CPS1: variants seen among roughly 807,000 people sequenced by gnomAD.
CPS1 encodes the protein carbamoyl-phosphate synthase [ammonia], mitochondrial.
Under a neutral mutation model 174.6 loss-of-function variants are expected in CPS1, and 109 were observed. The ratio of observed to expected loss-of-function variants is 0.62; its 90% CI spans 0.53 to 0.73. The LOEUF is 0.73. CPS1 is among the 30% of genes least tolerant of loss of function. The pLI is 0.00. For missense variants in CPS1, 1,689 were observed against 1,821.9 expected, an observed-to-expected ratio of 0.93 and a Z score of 1.33; for synonymous variants, 637 against 632.0, an observed-to-expected ratio of 1.01 and a Z score of -0.12.
intron 18 of CPS1, 21 bp from the exon 19 acceptor site, chr2:210,608,340 A>T: frequency 6.2e-7 from 1 of 1,608,196 alleles, no homozygotes; most frequent in Non-Finnish European, 8.5e-7. Flanking sequence ...AAAAAAAAAT[A>T]AATTTGTCTT....
intron 21 of CPS1, among the ~76,000 whole-genome samples, chr2:210,635,005 G>A (rs147392056): frequency 3.2e-4 from 49 of 152,206 alleles, no homozygotes; most frequent in African/African-American, 1.1e-3. Flanking sequence ...GTGCAGTGGC[G>A]TGATCTCGGC....
intron 5 of CPS1, among the ~76,000 whole-genome samples, chr2:210,581,843 A>G (rs1697932069): frequency 6.6e-6 from 1 of 152,166 alleles, no homozygotes; most frequent in African/African-American, 2.4e-5. Context: ...CCATGCAATA[A>G]TTTCATCAGA....
At chr2:210,549,430 A>C (rs888274870) in intron 1 of CPS1, among the ~76,000 whole-genome samples, 1 of 151,990 alleles carries the variant, frequency 6.6e-6, no homozygotes, top group Non-Finnish European at 1.5e-5. Context: ...TTATTTTGTA[A>C]AATTTATGTT....
rs1294171818 is a variant in CPS1, at chr2:210,616,553, C to T, written c.2687+12C>T. On this transcript the variant is annotated intron_variant, in intron 21 of 37. Coordinates refer to ENST00000233072, the MANE Select transcript of CPS1 (RefSeq NM_001875.5). The stretch of plus-strand genomic sequence containing the variant: ...AAAGGCCTCAACAGGTAAGGCAGTG[C>T]TGCTCTCATTCATGCCAGACACCTT... 2.0e-6 allele frequency: 3 copies of T among 1,474,494 alleles called. No homozygotes were observed. The highest frequency in any genetic ancestry group is 2.8e-6 in the Non-Finnish European group (3 of 1,054,346). 91.3% of individuals were successfully genotyped at this position (1,474,494 alleles called of 1,614,324 possible).
chr2:210,567,401 A>G (rs1006289238), intron 1 of CPS1, among the ~76,000 whole-genome samples: 2 of 152,126 alleles, frequency 1.3e-5, no homozygotes, highest in Admixed American at 1.3e-4. Flanking sequence ...GTTATAACAT[A>G]GTTGGGGACT....
chr2:210,613,236 G>T (rs911732992), intron 20 of CPS1, among the ~76,000 whole-genome samples: 1 of 151,956 alleles, frequency 6.6e-6, no homozygotes. Context: ...TGAACTCATC[G>T]CAACTTTTAT....
At chr2:210,654,676 A>G (rs948277624) in intron 29 of CPS1, among the ~76,000 whole-genome samples, 14 of 152,242 alleles carry the variant, frequency 9.2e-5, no homozygotes, top group African/African-American at 3.1e-4. Context: ...TTATAGTTGT[A>G]TTAATAATGC....
chr2:210,528,958 G>A lies in CPS1; in HGVS notation c.4-27761G>A, dbSNP rs142169968. Among the ~76,000 whole-genome samples the A allele has an allele frequency of 1.1e-4, 17 of 151,680 alleles. No homozygotes were observed. The East Asian group carries it at 2.9e-3, about 26-fold the overall frequency. On this transcript the variant is annotated intron_variant, in intron 1 of 38. Coordinates refer to the CPS1 transcript ENST00000430249. ...GAGTTATTGAGAAAATAGTAGTGTC[G>A]TGAGTAAGTTTGGAATGTGGAGTGC... is the stretch of plus-strand genomic sequence containing the variant.
At chr2:210,521,023 A>G (rs961219715) in intron 1 of CPS1, among the ~76,000 whole-genome samples, 65 of 152,062 alleles carry the variant, frequency 4.3e-4, no homozygotes, top group African/African-American at 1.5e-3. Context: ...AAGCTTCAAA[A>G]TTGTTTATCA....
chr2:210,510,405 G>T (rs1695429883), intron 1 of CPS1, among the ~76,000 whole-genome samples: 1 of 152,096 alleles, frequency 6.6e-6, no homozygotes, highest in African/African-American at 2.4e-5. Context: ...TTAAATGTTA[G>T]ACCTAAAACC....
At position 210,642,663 on chromosome 2, in the gene CPS1, G is replaced by C; in HGVS notation, c.3139G>C (p.Glu1047Gln). 6.2e-7 allele frequency: 1 copy of C among 1,613,660 alleles called. No individual in the cohort carries two copies. Among genetic ancestry groups the C allele is most frequent in the Non-Finnish European group, 8.5e-7 (1 of 1,179,824 alleles). Residue 1047 changes from glutamate to glutamine, a missense_variant and splice_region_variant, in exon 25 of 38, where the codon GAG (glutamate) becomes CAG (glutamine). Glu to Gln is a conservative substitution (Grantham distance 29, BLOSUM62 2). Transcript: ENST00000233072. ...GAGAATCCTAGACATCTACCATCAG[G>C]AGGTAAGAAAAGAAAAACAGAAAAA... ...LERILDIYHQ[E>Q]ACGGCIISVG...
Position 210,573,357 on chromosome 2 carries a change from C to A in CPS1, c.186C>A (p.Gly62=), listed in dbSNP as rs529836556. The change falls in exon 2 of 38, where the codon GGC becomes GGA. Residue 62 remains glycine, a synonymous_variant. Coordinates refer to ENST00000233072, the MANE Select transcript of CPS1 (RefSeq NM_001875.5). The part of the protein sequence containing the change: ...DGTKMKGYSF[G]HPSSVAGEVV... ...CTAAGATGAAAGGTTACTCCTTTGG[C>A]CATCCATCCTCTGTTGCTGGTGAAG... is the stretch of plus-strand genomic sequence containing the variant. 6 of 1,613,194 alleles carry A rather than the reference C, an allele frequency of 3.7e-6. No homozygotes were observed. In the East Asian group the frequency reaches 1.1e-4, roughly 30 times the overall value.
rs138717047 is a variant in CPS1, at chr2:210,605,452, C to T, written c.1981+206C>T. 9.1e-4 allele frequency among the ~76,000 whole-genome samples: 138 copies of T among 151,814 alleles called. 1 individual carries two copies. Among genetic ancestry groups the T allele is most frequent in the African/African-American group, 3.0e-3 (124 of 41,428 alleles). On this transcript the variant is annotated intron_variant, in intron 17 of 37. Transcript: ENST00000233072. The stretch of plus-strand genomic sequence containing the variant: ...TTCACACAAACCCTGTGAAGTAAGG[C>T]GGATATTACACTGAGTTAATTGAGG...
upstream of CPS1, among the ~76,000 whole-genome samples, chr2:210,554,182 TAC>T (rs1181491591): frequency 3.2e-3 from 350 of 109,280 alleles, 33 homozygotes; most frequent in African/African-American, 0.011. Context: ...TATGTATATA[TAC>T]ACACACACAT....
At chr2:210,579,672 A>G (rs112168636) in intron 4 of CPS1, 42 bp from the exon 5 acceptor site, 14 of 1,491,198 alleles carry the variant, frequency 9.4e-6, no homozygotes, top group Non-Finnish European at 1.3e-5. Flanking sequence ...GCTGGATTTA[A>G]TCTCCTCCAA....
chr2:210,632,186 C>A (rs1271576511), intron 21 of CPS1, among the ~76,000 whole-genome samples: 1 of 151,256 alleles, frequency 6.6e-6, no homozygotes, highest in African/African-American at 2.4e-5. Context: ...CTAGTTTGAT[C>A]AAAAAAACAA....
At chr2:210,481,703 T>C (rs1288589631) in intron 1 of CPS1, among the ~76,000 whole-genome samples, 1 of 152,270 alleles carries the variant, frequency 6.6e-6, no homozygotes, top group Non-Finnish European at 1.5e-5. Flanking sequence ...ACTTGCCTAG[T>C]AGCCACGTTA....
At chr2:210,506,051 C>A (rs1007623744) in intron 1 of CPS1, among the ~76,000 whole-genome samples, 1 of 152,112 alleles carries the variant, frequency 6.6e-6, no homozygotes, top group African/African-American at 2.4e-5. Context: ...GTTCTCCCAG[C>A]ATGCAGCTGG....
At position 210,556,616 on chromosome 2, in the gene CPS1, C is replaced by G; in HGVS notation, c.-118C>G. 1 of 1,523,686 alleles carries G rather than the reference C, an allele frequency of 6.6e-7. No homozygotes were observed. The highest frequency in any genetic ancestry group is 8.8e-7 in the Non-Finnish European group (1 of 1,136,438). 94.4% of individuals were successfully genotyped at this position (1,523,686 alleles called of 1,614,324 possible). A position where few individuals can be genotyped will look rare whatever the true frequency, so the allele number is the denominator to read the frequency against. ...GGAAATTCAAAGATCGCTGTGCAGT[C>G]AGCCTTAAACACTGACTGCACCCCT... On this transcript the variant is annotated 5_prime_UTR_variant, in exon 1 of 38. Transcript: ENST00000233072.
Sources: gnomAD v4.1 joint callset for allele counts (sites outside exome capture counted in the v4.1 genomes callset) on GRCh38, gnomAD v4.1.1 for gene constraint, MANE v1.5 for transcripts, NCBI Gene and HGNC (gene_info 2026-07-23, HGNC 2026-07-21) for gene names.